Variants in NRG3 observed in about 807,000 individuals in gnomAD.
The protein encoded by NRG3 is neuregulin 3, also known as pro-neuregulin-3, membrane-bound isoform.
Under a neutral mutation model 66.9 loss-of-function variants are expected in NRG3, and 31 were observed. The observed-to-expected ratio is 0.46, with a 90% CI of 0.35 to 0.63. The LOEUF (loss-of-function observed/expected upper bound fraction) is 0.63, where lower values mean the gene tolerates loss of function less well. Ranked by LOEUF, NRG3 falls within the 20% of genes least tolerant of loss-of-function variation. The pLI is 0.00. For synonymous variants in NRG3, 393 were observed against 359.4 expected (o/e 1.09, Z -1.06); for missense variants, 910 against 878.9 (o/e 1.04, Z -0.45).
At chr10:82,275,902 A>G (rs2134373983) in intron 1 of NRG3, among the ~76,000 whole-genome samples, 1 of 152,136 alleles carries the variant, frequency 6.6e-6, no homozygotes. Context: ...TGAATCATGT[A>G]TGTCCTGTCA....
chr10:82,876,050 G>A (rs1006440067), intron 4 of NRG3, among the ~76,000 whole-genome samples: 1 of 152,208 alleles, frequency 6.6e-6, no homozygotes, highest in Non-Finnish European at 1.5e-5. Flanking sequence ...AGAAGAACAT[G>A]AGTATTTCTG....
In NRG3 at chr10:82,368,586, C is replaced by T. The variant is rs928130222; in HGVS notation, c.953+9718C>T. Among the ~76,000 whole-genome samples, 20 of 137,694 alleles carry T rather than the reference C, an allele frequency of 1.5e-4. 5 individuals are homozygous for T. The highest frequency in any genetic ancestry group is 6.5e-4 in the African/African-American group (19 of 29,432). 90.3% of individuals were successfully genotyped at this position (137,694 alleles called of 152,430 possible). On this transcript the variant is annotated intron_variant, in intron 2 of 8. Coordinates refer to ENST00000372141, the MANE Select transcript of NRG3 (RefSeq NM_001010848.4). ...GCTGTTGACCCTTCAGATGTGTCCC[C>T]GAACTGCCTCACCAGGCACCTGCTT...
chr10:82,832,863 G>A (rs999833398), intron 3 of NRG3, among the ~76,000 whole-genome samples: 3 of 151,382 alleles, frequency 2.0e-5, no homozygotes, highest in South Asian at 2.1e-4. Context: ...TTCATTAGCC[G>A]ATGGATACAA....
At chr10:82,228,861 G>C (rs2076302543) in intron 1 of NRG3, 1 of 152,174 alleles carries the variant, frequency 6.6e-6, no homozygotes, top group Non-Finnish European at 1.5e-5. Flanking sequence ...TGCATGCCTG[G>C]AAGCCACTGA....
rs145375235 is a variant in NRG3 at position 82,662,516 on chromosome 10, C to T, written c.954-76061C>T. Among the ~76,000 whole-genome samples the T allele has an allele frequency of 8.6e-3, 1,315 of 152,244 alleles. 21 individuals are homozygous for T. The highest frequency in any genetic ancestry group is 0.031 in the African/African-American group (1,270 of 41,534). On this transcript the variant is annotated intron_variant, in intron 2 of 8. Coordinates refer to ENST00000372141, the MANE Select transcript of NRG3 (RefSeq NM_001010848.4). ...ATTTGTCTCAAAACCACACAGGAAA[C>T]AACTTCAGCCCTCAGTACCAGAGAC... is the stretch of plus-strand genomic sequence containing the variant.
chr10:82,624,034 G>GA (rs1565138804), intron 2 of NRG3, among the ~76,000 whole-genome samples: 1 of 152,126 alleles, frequency 6.6e-6, no homozygotes, highest in Non-Finnish European at 1.5e-5. Flanking sequence ...CTTTGAGACA[G>GA]AAAAACTTGG....
intron 1 of NRG3, among the ~76,000 whole-genome samples, chr10:82,357,155 G>T (rs2083835607): frequency 6.6e-6 from 1 of 152,226 alleles, no homozygotes; most frequent in Admixed American, 6.5e-5. Flanking sequence ...ACAGTTCTTG[G>T]TATTTTGGGG....
chr10:82,241,802 T>C (rs2077018260), intron 1 of NRG3, among the ~76,000 whole-genome samples: 1 of 152,180 alleles, frequency 6.6e-6, no homozygotes, highest in South Asian at 2.1e-4. Context: ...CTTTTGGAAG[T>C]ACATCGCGAA....
At chr10:82,063,924 G>A (rs1247974206) in intron 1 of NRG3, among the ~76,000 whole-genome samples, 3 of 152,082 alleles carry the variant, frequency 2.0e-5, no homozygotes, top group African/African-American at 4.8e-5. Context: ...TCTCAAAAAC[G>A]TTTTAGTTGT....
intron 1 of NRG3, among the ~76,000 whole-genome samples, chr10:81,944,675 T>C (rs1848687129): frequency 1.3e-5 from 2 of 152,148 alleles, no homozygotes; most frequent in Non-Finnish European, 1.5e-5. Flanking sequence ...CAATTCATGC[T>C]GAACCTACAT....
rs143646749 is a variant in NRG3, at chr10:82,835,242, C to T, written c.1028-30169C>T. Among the ~76,000 whole-genome samples the T allele has an allele frequency of 2.0e-5, 3 of 152,168 alleles. No individual in the cohort carries two copies. In the East Asian group the frequency reaches 5.8e-4, roughly 29 times the overall value. On this transcript the variant is annotated intron_variant, in intron 3 of 8. Transcript: ENST00000372141. Reference sequence around the variant, plus strand: ...CTCTCAATCCCCTGTGCTTTGATGTCCTGCATGCTTTTATAATGGCCACAC... The same window carrying T: ...CTCTCAATCCCCTGTGCTTTGATGTTCTGCATGCTTTTATAATGGCCACAC...
At chr10:82,969,188 G>A (rs1215289304) in intron 6 of NRG3, among the ~76,000 whole-genome samples, 1 of 152,124 alleles carries the variant, frequency 6.6e-6, no homozygotes, top group Non-Finnish European at 1.5e-5. Flanking sequence ...GTTTGTCATG[G>A]ATTTGCCCAG....
intron 1 of NRG3, among the ~76,000 whole-genome samples, chr10:82,050,684 G>T (rs185355997): frequency 6.7e-6 from 1 of 149,490 alleles, no homozygotes; most frequent in Non-Finnish European, 1.5e-5. Context: ...GGTGGAAAGT[G>T]GTGACAGACA....
chr10:82,146,690 G>T (rs1351409690), intron 1 of NRG3, among the ~76,000 whole-genome samples: 7 of 152,138 alleles, frequency 4.6e-5, no homozygotes, highest in Admixed American at 4.6e-4. Context: ...GGTCGTTGGG[G>T]TATGGAAGGA....
intron 2 of NRG3, among the ~76,000 whole-genome samples, chr10:82,362,117 A>G (rs1346139246): frequency 1.3e-5 from 2 of 148,402 alleles, no homozygotes; most frequent in Non-Finnish European, 3.0e-5. Flanking sequence ...AAAGGACAAT[A>G]ATAATCCCAG....
rs370730960 is a variant in NRG3 at position 82,501,732 on chromosome 10, G to A, written c.953+142864G>A. On this transcript the variant is annotated intron_variant, in intron 2 of 8. Transcript: ENST00000372141. The stretch of plus-strand genomic sequence containing the variant: ...GTTGACCATGCATCAAGTGTTGGTT[G>A]ACCATATTTTAGTAACTCAATTCTC... Among the ~76,000 whole-genome samples the A allele has an allele frequency of 2.4e-4, 37 of 152,264 alleles. No homozygotes were observed. The East Asian group carries it at 6.6e-3, about 27-fold the overall frequency.
chr10:82,681,095 C>G (rs771367537), intron 2 of NRG3, among the ~76,000 whole-genome samples: 7 of 152,100 alleles, frequency 4.6e-5, no homozygotes, highest in Non-Finnish European at 1.0e-4. Context: ...ATTGGGGCAT[C>G]GCTCATGGTT....
intron 4 of NRG3, among the ~76,000 whole-genome samples, chr10:82,885,342 G>A (rs1842635164): frequency 6.6e-6 from 1 of 152,154 alleles, no homozygotes; most frequent in South Asian, 2.1e-4. Context: ...AGACTACAGT[G>A]TGCCTGCTGG....
At chr10:81,924,771 G>A (rs1270424814) in intron 1 of NRG3, among the ~76,000 whole-genome samples, 1 of 152,042 alleles carries the variant, frequency 6.6e-6, no homozygotes, top group Non-Finnish European at 1.5e-5. Flanking sequence ...AAAGAAGGTC[G>A]GTCACTGGAG....
Sources: gnomAD v4.1 joint callset for allele counts (sites outside exome capture counted in the v4.1 genomes callset) on GRCh38, gnomAD v4.1.1 for gene constraint, MANE v1.5 for transcripts, NCBI Gene and HGNC (gene_info 2026-07-23, HGNC 2026-07-21) for gene names.